The following SUSD4 variants were observed in gnomAD, a reference collection of about 807,000 sequenced individuals.
SUSD4 encodes sushi domain-containing protein 4.
A neutral mutation model predicts 50.5 loss-of-function variants in SUSD4; 41 were observed. The observed-to-expected ratio is 0.81, with a 90% CI of 0.63 to 1.05. The LOEUF is 1.05. SUSD4 is among the 50% of genes least tolerant of loss of function. The pLI, the probability that SUSD4 is intolerant of heterozygous loss-of-function variation, is 0.00. For synonymous variants in SUSD4, 257 were observed against 257.3 expected (o/e 1.00, Z 0.01); for missense variants, 580 against 634.7 (o/e 0.91, Z 0.93).
chr1:223,355,139 A>G (rs745331330), intron 2 of SUSD4, among the ~76,000 whole-genome samples: 7 of 151,024 alleles, frequency 4.6e-5, no homozygotes, highest in African/African-American at 1.2e-4. Flanking sequence ...CAGTGGCACA[A>G]TCTCGGCTCA....
chr1:223,328,094 TA>T lies in SUSD4; in HGVS notation c.148+35183del, dbSNP rs879707495. 3.1e-3 allele frequency among the ~76,000 whole-genome samples: 425 copies of T among 136,178 alleles called. 1 individual carries two copies. Among genetic ancestry groups the T allele is most frequent in the East Asian group, 4.2e-3 (20 of 4,762 alleles). The allele number at this position is 136,178 out of a possible 152,430, so 89.3% of individuals were successfully genotyped here. Reference sequence around the variant, plus strand: ...TCTGTCATTCCTAATTAGTGTTCTCTAAAAAAAAAAAAAAGTTTTTAAAAGA... The same window carrying T: ...TCTGTCATTCCTAATTAGTGTTCTCTAAAAAAAAAAAAAGTTTTTAAAAGA... On this transcript the variant is annotated intron_variant, in intron 2 of 8. Coordinates refer to ENST00000366878, the MANE Select transcript of SUSD4 (RefSeq NM_017982.4).
intron 2 of SUSD4, among the ~76,000 whole-genome samples, chr1:223,316,953 C>T (rs756349710): frequency 1.1e-4 from 17 of 152,156 alleles, no homozygotes; most frequent in East Asian, 3.9e-4. Context: ...AGTCTGGCAG[C>T]GCAGACCTTG....
At chr1:223,360,957 T>C (rs1270906336) in intron 2 of SUSD4, among the ~76,000 whole-genome samples, 1 of 152,212 alleles carries the variant, frequency 6.6e-6, no homozygotes, top group Non-Finnish European at 1.5e-5. Flanking sequence ...CAACTTATTT[T>C]AAGGAATGCC....
At chr1:223,329,773 G>C (rs896231771) in intron 2 of SUSD4, among the ~76,000 whole-genome samples, 5 of 152,158 alleles carry the variant, frequency 3.3e-5, no homozygotes, top group African/African-American at 9.7e-5. Context: ...TGAACAGAAG[G>C]ATGGATGGAT....
At chr1:223,255,790 C>T (rs759885789) in intron 5 of SUSD4, among the ~76,000 whole-genome samples, 6 of 152,176 alleles carry the variant, frequency 3.9e-5, no homozygotes, top group Non-Finnish European at 7.4e-5. Context: ...CCTTTTCTGC[C>T]GATTAAATTT....
At chr1:223,309,155 G>C (rs1388612294) in intron 2 of SUSD4, among the ~76,000 whole-genome samples, 1 of 152,152 alleles carries the variant, frequency 6.6e-6, no homozygotes, top group African/African-American at 2.4e-5. Context: ...ACACCTTGCT[G>C]TAACAAACCA....
chr1:223,317,214 G>A (rs1013163503), intron 2 of SUSD4, among the ~76,000 whole-genome samples: 1 of 152,152 alleles, frequency 6.6e-6, no homozygotes, highest in East Asian at 1.9e-4. Flanking sequence ...CCAAGATGAC[G>A]ACAAGAGTGG....
Position 223,221,209 on chromosome 1 carries a change from T to A in SUSD4, c.*983A>T, listed in dbSNP as rs180931938. The A allele has an allele frequency of 3.5e-4, 139 of 400,034 alleles. No individual in the cohort carries two copies. In the East Asian group the frequency reaches 4.0e-3, roughly 11 times the overall value. 24.8% of individuals were successfully genotyped at this position (400,034 alleles called of 1,614,324 possible). A position where few individuals can be genotyped will look rare whatever the true frequency, so the allele number is the denominator to read the frequency against. On this transcript the variant is annotated 3_prime_UTR_variant, in exon 9 of 9. Transcript: ENST00000366878. ...TCCAACCTCACACTTCTTTTGAAGGTCGGATATGTTTACAGAAACAATTTC... is the reference window on the plus strand; with the variant it reads ...TCCAACCTCACACTTCTTTTGAAGGACGGATATGTTTACAGAAACAATTTC...
At chr1:223,259,579 G>C (rs961155398) in intron 5 of SUSD4, among the ~76,000 whole-genome samples, 2 of 152,178 alleles carry the variant, frequency 1.3e-5, no homozygotes, top group African/African-American at 4.8e-5. Context: ...TTTCCAGGCT[G>C]TCTGAAAACC....
At chr1:223,321,894 G>A (rs1024133882) in intron 2 of SUSD4, among the ~76,000 whole-genome samples, 5 of 152,190 alleles carry the variant, frequency 3.3e-5, no homozygotes, top group Non-Finnish European at 7.3e-5. Context: ...TACGGGTAGA[G>A]TATCTCTTAT....
At chr1:223,294,903 G>C (rs1471494147) in intron 2 of SUSD4, among the ~76,000 whole-genome samples, 1 of 152,128 alleles carries the variant, frequency 6.6e-6, no homozygotes, top group East Asian at 1.9e-4. Flanking sequence ...ATTATCAAGT[G>C]GTTCCTAAAT....
chr1:223,325,473 T>A (rs752040245), intron 2 of SUSD4, among the ~76,000 whole-genome samples: 53 of 152,080 alleles, frequency 3.5e-4, no homozygotes, highest in Non-Finnish European at 6.5e-4. Flanking sequence ...CATCCTATGG[T>A]TTCACCCATT....
Position 223,225,559 on chromosome 1 carries a change from CACCAGTAGTTACTGCTT to C in SUSD4, c.1062-1945_1062-1929del, listed in dbSNP as rs532798146. ...AGCCAGACTGCTCTCCCTCCACAGC[CACCAGTAGTTACTGCTT>C]ACCAGTAGTTACTGCTTCCTTGACA... On this transcript the variant is annotated intron_variant, in intron 7 of 8. Coordinates refer to ENST00000366878, the MANE Select transcript of SUSD4 (RefSeq NM_017982.4). 5.6e-3 allele frequency among the ~76,000 whole-genome samples: 848 copies of C among 152,266 alleles called. 8 individuals are homozygous for C. The highest frequency in any genetic ancestry group is 0.019 in the African/African-American group (803 of 41,538).
chr1:223,281,327 T>A (rs1477670504), intron 3 of SUSD4, among the ~76,000 whole-genome samples: 2 of 151,986 alleles, frequency 1.3e-5, no homozygotes, highest in Non-Finnish European at 2.9e-5. Context: ...TCAACAAAAT[T>A]CATAGACTGC....
chr1:223,340,539 G>A (rs1162093268), intron 2 of SUSD4, among the ~76,000 whole-genome samples: 1 of 152,220 alleles, frequency 6.6e-6, no homozygotes, highest in Non-Finnish European at 1.5e-5. Context: ...CAAAGGTAAG[G>A]AAGGAGCTGT....
chr1:223,363,166 T>G, intron 2 of SUSD4, 112 bp downstream of exon 2: 5 of 1,247,400 alleles, frequency 4.0e-6, no homozygotes, highest in African/African-American at 1.5e-5. Flanking sequence ...CGTTGTCAGA[T>G]CCTCCTGAAG....
At position 223,363,461 on chromosome 1, in the gene SUSD4, C is replaced by G. The variant is rs1456877558; in HGVS notation, c.-35-1G>C. 1 of 1,497,986 alleles carries G rather than the reference C, an allele frequency of 6.7e-7. No individual in the cohort carries two copies. Among genetic ancestry groups the G allele is most frequent in the Non-Finnish European group, 9.0e-7 (1 of 1,113,670 alleles). 92.8% of individuals were successfully genotyped at this position (1,497,986 alleles called of 1,614,324 possible). ...CAGAGGGCATCCAGCTTGCAAGAGT[C>G]TGCAACCAGAAGCGGAACACCACAA... On this transcript the variant is annotated splice_acceptor_variant, in intron 1 of 8. Transcript: ENST00000366878. LOFTEE classifies it low-confidence loss of function (5UTR_SPLICE).
chr1:223,239,765 CA>C (rs1660457634), intron 5 of SUSD4, among the ~76,000 whole-genome samples: 1 of 151,298 alleles, frequency 6.6e-6, no homozygotes, highest in African/African-American at 2.4e-5. Context: ...TGATCAAGTA[CA>C]TTACTATTGT....
At chr1:223,287,899 G>A (rs544592111) in intron 3 of SUSD4, among the ~76,000 whole-genome samples, 87 of 152,154 alleles carry the variant, frequency 5.7e-4, no homozygotes, top group African/African-American at 2.0e-3. Flanking sequence ...TCTGCAGCAG[G>A]CTCCAGTTTA....
Sources: allele counts gnomAD v4.1 joint callset (sites outside exome capture counted in the v4.1 genomes callset), GRCh38; gene constraint gnomAD v4.1.1; transcripts MANE v1.5; gene names NCBI Gene and HGNC (gene_info 2026-07-23, HGNC 2026-07-21).